The following FAM184B variants were observed in gnomAD, a reference collection of about 807,000 sequenced individuals.
The protein encoded by FAM184B is protein FAM184B.
A neutral mutation model predicts 135.9 loss-of-function variants in FAM184B; 111 were observed. The observed-to-expected ratio is 0.82, with a 90% CI of 0.70 to 0.96. The LOEUF (loss-of-function observed/expected upper bound fraction) is 0.96, where lower values mean the gene tolerates loss of function less well. FAM184B is among the 40% of genes least tolerant of loss of function. FAM184B has a pLI of 0.00. For missense variants in FAM184B, 1,375 were observed against 1,323.9 expected (o/e 1.04, Z -0.60); for synonymous variants, 552 against 524.8 (o/e 1.05, Z -0.71).
intron 16 of FAM184B, among the ~76,000 whole-genome samples, chr4:17,634,534 G>A (rs544960491): frequency 7.4e-4 from 112 of 152,204 alleles, no homozygotes; most frequent in Non-Finnish European, 1.5e-3. Context: ...ACGTTGGCCA[G>A]GCTGGTCTTG....
chr4:17,738,661 A>G (rs1717960732), intron 1 of FAM184B, among the ~76,000 whole-genome samples: 1 of 152,174 alleles, frequency 6.6e-6, no homozygotes. Flanking sequence ...TTCTACTGCA[A>G]CAGATAGTCC....
chr4:17,685,317 G>A (rs1238941067), intron 7 of FAM184B, among the ~76,000 whole-genome samples: 5 of 150,378 alleles, frequency 3.3e-5, no homozygotes, highest in Non-Finnish European at 5.9e-5. Flanking sequence ...TTGGGAGGCC[G>A]AGGCAGGCGG....
intron 17 of FAM184B, 86 bp from the exon 18 acceptor site, chr4:17,632,711 A>G (rs1714995365): frequency 1.1e-6 from 1 of 902,788 alleles, no homozygotes; most frequent in Non-Finnish European, 1.7e-6. Context: ...AGGGAAAGAT[A>G]ACTGCTTGTT....
intron 1 of FAM184B, among the ~76,000 whole-genome samples, chr4:17,772,391 A>T (rs1310342717): frequency 6.6e-6 from 1 of 152,174 alleles, no homozygotes; most frequent in African/African-American, 2.4e-5. Context: ...GTTCTGGGAC[A>T]TGTGGAGACA....
Position 17,639,253 on chromosome 4 carries a change from G to C in FAM184B, c.2663C>G (p.Ala888Gly). Residue 888 changes from alanine to glycine, a missense_variant, in exon 14 of 18, where the codon GCC becomes GGC. Ala to Gly is a moderately conservative substitution (Grantham distance 60, BLOSUM62 0). Transcript: ENST00000265018. ...TGGGGCCCGAGGCCTCACTTACTCGGCTTCCAGGGCAGCCAGCCGGGCCTG... is the reference window on the plus strand; with the variant it reads ...TGGGGCCCGAGGCCTCACTTACTCGCCTTCCAGGGCAGCCAGCCGGGCCTG... ...QLQARLAALE[A>G]ELKDSGEKPG... The C allele has an allele frequency of 6.4e-7, 1 of 1,551,562 alleles. No homozygotes were observed. The highest frequency in any genetic ancestry group is 8.7e-7 in the Non-Finnish European group (1 of 1,146,964).
At chr4:17,663,599 A>G (rs1715968003) in intron 8 of FAM184B, among the ~76,000 whole-genome samples, 1 of 108,720 alleles carries the variant, frequency 9.2e-6, no homozygotes, top group South Asian at 4.1e-4. Flanking sequence ...CAAATCAGGA[A>G]CACAATCCCA....
At chr4:17,633,081 C>T (rs1715013006) in intron 17 of FAM184B, 1 of 155,592 alleles carries the variant, frequency 6.4e-6, no homozygotes, top group African/African-American at 2.4e-5. Context: ...TACCACCACA[C>T]CTGGCTAATT....
chr4:17,639,174 G>T lies in FAM184B; in HGVS notation c.2666+76C>A, dbSNP rs1715234111. On this transcript the variant is annotated intron_variant, in intron 14 of 17. Coordinates refer to ENST00000265018, the MANE Select transcript of FAM184B (RefSeq NM_015688.2). ...AATTTGAAAACCAGGAAATCCCAGG[G>T]TCATTGGGGTGAGTTGGCCACCCTA... 4.3e-6 allele frequency: 6 copies of T among 1,403,642 alleles called. No individual in the cohort carries two copies. In the East Asian group the frequency reaches 1.5e-4, roughly 35 times the overall value. The allele number at this position is 1,403,642 out of a possible 1,614,324, so 86.9% of individuals were successfully genotyped here. A position where few individuals can be genotyped will look rare whatever the true frequency, so the allele number is the denominator to read the frequency against.
intron 8 of FAM184B, among the ~76,000 whole-genome samples, chr4:17,664,010 A>G (rs942153464): frequency 1.3e-5 from 2 of 152,158 alleles, no homozygotes; most frequent in African/African-American, 4.8e-5. Context: ...ATTGTGAGTC[A>G]ATTAAACCTC....
chr4:17,723,373 T>A (rs1234901273), intron 1 of FAM184B, among the ~76,000 whole-genome samples: 1 of 152,202 alleles, frequency 6.6e-6, no homozygotes, highest in Non-Finnish European at 1.5e-5. Flanking sequence ...AACCCAAACA[T>A]CCATTTATGA....
chr4:17,649,823 T>G, intron 11 of FAM184B, among the ~76,000 whole-genome samples: 1 of 151,642 alleles, frequency 6.6e-6, no homozygotes, highest in South Asian at 2.1e-4. Flanking sequence ...CATCCTTCTA[T>G]CCACCTGTCC....
At chr4:17,749,411 A>G (rs1718244774) in intron 1 of FAM184B, among the ~76,000 whole-genome samples, 1 of 151,916 alleles carries the variant, frequency 6.6e-6, no homozygotes, top group Non-Finnish European at 1.5e-5. Context: ...GTGAGATCTC[A>G]TCTCTATTAA....
chr4:17,723,580 G>C (rs917377573), intron 1 of FAM184B, among the ~76,000 whole-genome samples: 15 of 152,112 alleles, frequency 9.9e-5, no homozygotes, highest in Admixed American at 3.9e-4. Flanking sequence ...TCAAGTCCAC[G>C]GCCAGCCCAT....
In FAM184B at chr4:17,781,256, C is replaced by A; in HGVS notation, c.44G>T (p.Cys15Phe). The A allele has an allele frequency of 6.4e-7, 1 of 1,550,698 alleles. No homozygotes were observed. Among genetic ancestry groups the A allele is most frequent in the Non-Finnish European group, 8.7e-7 (1 of 1,146,490 alleles). Reference protein sequence around the residue: ...LNSKINPPGTCQGSKADGGAG... With the variant: ...LNSKINPPGTFQGSKADGGAG... ...GCCACCGTCGGCTTTGGAGCCCTGG[C>A]AAGTGCCGGGCGGGTTAATTTTGCT... The change falls in exon 1 of 18, where the codon TGC (cysteine) becomes TTC (phenylalanine). Residue 15 changes from cysteine to phenylalanine, a missense_variant. Transcript: ENST00000265018. The surrounding 1 kb of genome is among the most constrained non-coding windows in gnomAD (Gnocchi z 6.5).
intron 15 of FAM184B, among the ~76,000 whole-genome samples, chr4:17,636,176 G>T (rs1199781246): frequency 6.6e-6 from 1 of 152,082 alleles, no homozygotes; most frequent in Non-Finnish European, 1.5e-5. Context: ...CGCTATGCTG[G>T]CTCACTGCAA....
intron 2 of FAM184B, among the ~76,000 whole-genome samples, chr4:17,708,599 C>G (rs376456305): frequency 7.0e-6 from 1 of 143,456 alleles, no homozygotes; most frequent in African/African-American, 2.6e-5. Context: ...GAGCTGAGAT[C>G]GCACCACTGC....
intron 15 of FAM184B, among the ~76,000 whole-genome samples, chr4:17,635,793 G>T (rs886260828): frequency 6.6e-6 from 1 of 152,166 alleles, no homozygotes; most frequent in African/African-American, 2.4e-5. Context: ...AGGTGAGCAG[G>T]AGCAGAAATG....
intron 1 of FAM184B, among the ~76,000 whole-genome samples, chr4:17,724,769 G>C (rs545628538): frequency 2.0e-5 from 3 of 152,156 alleles, no homozygotes; most frequent in African/African-American, 7.2e-5. Flanking sequence ...TCACAACAAC[G>C]GTAAGAAGAT....
chr4:17,639,108 C>T (rs1715232492), intron 14 of FAM184B, 142 bp downstream of exon 14: 1 of 802,060 alleles, frequency 1.2e-6, no homozygotes, highest in Non-Finnish European at 2.0e-6. Context: ...TGCTGGATTC[C>T]AGGCATGAGC....
Sources: allele counts gnomAD v4.1 joint callset (sites outside exome capture counted in the v4.1 genomes callset), GRCh38; gene constraint gnomAD v4.1.1; non-coding constraint Gnocchi (gnomAD v3.1); transcripts MANE v1.5; gene names NCBI Gene and HGNC (gene_info 2026-07-23, HGNC 2026-07-21).